The following TENM3 variants were observed in gnomAD, a reference collection of about 807,000 sequenced individuals.
TENM3 encodes teneurin transmembrane protein 3.
In TENM3, 63 loss-of-function variants were observed where a neutral mutation model predicts 255.1. The ratio of observed to expected loss-of-function variants is 0.25; its 90% confidence interval spans 0.20 to 0.30. The LOEUF (loss-of-function observed/expected upper bound fraction) is 0.30, where lower values mean the gene tolerates loss of function less well. Ranked by LOEUF, TENM3 falls within the 10% of genes least tolerant of loss-of-function variation. TENM3 has a pLI of 1.00. For synonymous variants in TENM3, 1,306 were observed against 1,322.3 expected, an observed-to-expected ratio of 0.99 and a Z score of 0.27; for missense variants, 2,929 against 3,461.1, an observed-to-expected ratio of 0.85 and a Z score of 3.86.
At chr4:182,669,110 T>G (rs537812121) in intron 6 of TENM3, among the ~76,000 whole-genome samples, 35 of 152,282 alleles carry the variant, frequency 2.3e-4, no homozygotes, top group African/African-American at 7.5e-4. Context: ...TATTAAAATA[T>G]GATATGTATA....
chr4:182,096,143 AAG>A, the TENM3 span, among the ~76,000 whole-genome samples: 1 of 151,552 alleles, frequency 6.6e-6, no homozygotes, highest in Non-Finnish European at 1.5e-5. Context: ...AAAAAAAAAA[AAG>A]AAGATAAGTA....
At chr4:181,534,669 C>T in the TENM3 span, among the ~76,000 whole-genome samples, 1 of 152,114 alleles carries the variant, frequency 6.6e-6, no homozygotes, top group Non-Finnish European at 1.5e-5. Flanking sequence ...GAGTACCTGG[C>T]AATGCTCCTT....
At chr4:182,787,968 C>CA (rs1260669644) in intron 24 of TENM3, among the ~76,000 whole-genome samples, 1 of 151,974 alleles carries the variant, frequency 6.6e-6, no homozygotes, top group Admixed American at 6.6e-5. Flanking sequence ...TGATAGAATG[C>CA]AAAAGGCAGT....
At chr4:181,870,658 A>G in the TENM3 span, among the ~76,000 whole-genome samples, 1 of 151,950 alleles carries the variant, frequency 6.6e-6, no homozygotes, top group Admixed American at 6.6e-5. Flanking sequence ...TCTTTTGGGT[A>G]TTTGGGTATT....
intron 1 of TENM3, among the ~76,000 whole-genome samples, chr4:182,147,389 C>T (rs1750043636): frequency 6.6e-6 from 1 of 152,030 alleles, no homozygotes; most frequent in African/African-American, 2.4e-5. Context: ...ATATGAAAGC[C>T]CAACAAAGCC....
At chr4:182,461,252 C>T (rs1198403314) in intron 3 of TENM3, among the ~76,000 whole-genome samples, 2 of 152,170 alleles carry the variant, frequency 1.3e-5, no homozygotes, top group Admixed American at 1.3e-4. Flanking sequence ...AGTGTCATAT[C>T]AAGAAGATGC....
intron 1 of TENM3, among the ~76,000 whole-genome samples, chr4:182,195,023 T>TCTCA (rs1225226609): frequency 5.4e-5 from 8 of 146,976 alleles, no homozygotes; most frequent in South Asian, 2.2e-4. Context: ...ACAGTCTCTA[T>TCTCA]CACACACACA....
intron 20 of TENM3, 26 bp from the exon 21 acceptor site, chr4:182,753,424 G>T: frequency 1.3e-6 from 2 of 1,596,826 alleles, no homozygotes; most frequent in South Asian, 1.1e-5. Flanking sequence ...TGAAAAATTA[G>T]TAATACTTGC....
intron 3 of TENM3, among the ~76,000 whole-genome samples, chr4:182,496,536 C>T (rs113549404): frequency 6.6e-6 from 1 of 152,116 alleles, no homozygotes; most frequent in South Asian, 2.1e-4. Flanking sequence ...TATAAGAAAA[C>T]GGATTGTTCT....
In TENM3 at chr4:182,515,031, A is replaced by T. The variant is rs111879187; in HGVS notation, c.512-85893A>T. The stretch of plus-strand genomic sequence containing the variant: ...AAAGAGGGAATAATCAGCAGTGTCA[A>T]ATGCCAATAATGCACAATAATTTTT... On this transcript the variant is annotated intron_variant, in intron 3 of 27. Transcript: ENST00000511685. Among the ~76,000 whole-genome samples, 17 of 152,326 alleles carry T rather than the reference A, an allele frequency of 1.1e-4. 1 individual carries two copies. The highest frequency in any genetic ancestry group is 3.8e-4 in the African/African-American group (16 of 41,576).
chr4:182,606,583 C>T (rs1748460762), intron 4 of TENM3, among the ~76,000 whole-genome samples: 1 of 146,568 alleles, frequency 6.8e-6, no homozygotes, highest in Non-Finnish European at 1.5e-5. Flanking sequence ...TGAATTTACT[C>T]AAAGAATAAA....
At chr4:182,229,574 A>C (rs1467708976) in intron 1 of TENM3, among the ~76,000 whole-genome samples, 1 of 152,062 alleles carries the variant, frequency 6.6e-6, no homozygotes, top group Non-Finnish European at 1.5e-5. Context: ...AAAATGCAGC[A>C]ATATGACCTT....
At chr4:182,377,560 C>T (rs182600221) in intron 3 of TENM3, among the ~76,000 whole-genome samples, 7 of 152,222 alleles carry the variant, frequency 4.6e-5, no homozygotes, top group Admixed American at 1.3e-4. Context: ...GTGATCCACC[C>T]GCCTTGGCCT....
the TENM3 span, among the ~76,000 whole-genome samples, chr4:181,737,027 G>A: frequency 6.6e-6 from 1 of 152,088 alleles, no homozygotes; most frequent in Admixed American, 6.5e-5. Context: ...TTTGAAAAAC[G>A]ATGTGAATTT....
chr4:182,216,013 G>A (rs1413403697), intron 1 of TENM3, among the ~76,000 whole-genome samples: 1 of 152,188 alleles, frequency 6.6e-6, no homozygotes, highest in Non-Finnish European at 1.5e-5. Flanking sequence ...AAAGTTTATG[G>A]AGAATTTCTT....
rs1399462476 is a variant in TENM3 at position 182,635,033 on chromosome 4, C to G, written c.988+6144C>G. ...CCCTCAAATCAGACTTCAAATAACACCGTTATAGACCTTTAATTTCGTGAG... is the reference window on the plus strand; with the variant it reads ...CCCTCAAATCAGACTTCAAATAACAGCGTTATAGACCTTTAATTTCGTGAG... On this transcript the variant is annotated intron_variant, in intron 5 of 27. Transcript: ENST00000511685. Among the ~76,000 whole-genome samples, 3 of 152,282 alleles carry G rather than the reference C, an allele frequency of 2.0e-5. No homozygotes were observed. The East Asian group carries it at 5.8e-4, about 29-fold the overall frequency.
chr4:182,515,147 T>A (rs1383860931), intron 3 of TENM3, among the ~76,000 whole-genome samples: 8 of 152,272 alleles, frequency 5.3e-5, no homozygotes, highest in Middle Eastern at 3.4e-3. Flanking sequence ...GAGAATAGGT[T>A]GCAATGGGTG....
chr4:182,489,338 A>G (rs536427796), intron 3 of TENM3, among the ~76,000 whole-genome samples: 2 of 152,318 alleles, frequency 1.3e-5, no homozygotes, highest in African/African-American at 4.8e-5. Context: ...TTTTATAATT[A>G]TTCTTACCAG....
At chr4:181,578,336 G>A in the TENM3 span, among the ~76,000 whole-genome samples, 5 of 152,104 alleles carry the variant, frequency 3.3e-5, no homozygotes, top group Admixed American at 6.6e-5. Flanking sequence ...AGGCCTCCTC[G>A]CCAAGCAGCC....
Sources: gnomAD v4.1 joint callset for allele counts (sites outside exome capture counted in the v4.1 genomes callset) on GRCh38, gnomAD v4.1.1 for gene constraint, MANE v1.5 for transcripts, NCBI Gene and HGNC (gene_info 2026-07-23, HGNC 2026-07-21) for gene names.